The following WNT7A variants were observed in gnomAD, a reference collection of about 807,000 sequenced individuals.
The protein encoded by WNT7A is Wnt family member 7A.
In WNT7A, 16 loss-of-function variants were observed where a neutral mutation model predicts 28.2. That is an observed-to-expected ratio of 0.57 (90% CI 0.38 to 0.86). The LOEUF (loss-of-function observed/expected upper bound fraction) is 0.86. Ranked by LOEUF, WNT7A falls within the 40% of genes least tolerant of loss-of-function variation. The pLI, the probability that WNT7A is intolerant of heterozygous loss-of-function variation, is 0.00. For synonymous variants in WNT7A, 190 were observed against 195.9 expected, an observed-to-expected ratio of 0.97 and a Z score of 0.25; for missense variants, 411 against 489.7, an observed-to-expected ratio of 0.84 and a Z score of 1.52.
intron 2 of WNT7A, among the ~76,000 whole-genome samples, chr3:13,862,504 T>C (rs1246938762): frequency 6.6e-6 from 1 of 152,262 alleles, no homozygotes; most frequent in African/African-American, 2.4e-5. Flanking sequence ...AGCTGAAATA[T>C]ATGATTTGGA....
chr3:13,838,415 G>C lies in WNT7A; in HGVS notation c.570+16117C>G, dbSNP rs148232821. The stretch of plus-strand genomic sequence containing the variant: ...AGGAACTGAAGACTCCCACAGCAGA[G>C]GAAGAGGTTTTAAAGTCCCTTCTTC... On this transcript the variant is annotated intron_variant, in intron 3 of 3. Transcript: ENST00000285018. Among the ~76,000 whole-genome samples, 243 of 152,348 alleles carry C rather than the reference G, an allele frequency of 1.6e-3. 1 individual carries two copies. Among genetic ancestry groups the C allele is most frequent in the African/African-American group, 5.7e-3 (236 of 41,594 alleles).
At chr3:13,870,625 C>G (rs772838279) in intron 2 of WNT7A, among the ~76,000 whole-genome samples, 3 of 152,202 alleles carry the variant, frequency 2.0e-5, no homozygotes, top group Non-Finnish European at 4.4e-5. Flanking sequence ...GATGGGCACA[C>G]AACCAAAAGT....
At chr3:13,836,344 G>C (rs1412730647) in intron 3 of WNT7A, among the ~76,000 whole-genome samples, 1 of 152,168 alleles carries the variant, frequency 6.6e-6, no homozygotes, top group African/African-American at 2.4e-5. Flanking sequence ...CCTCCAGATG[G>C]GCACAGCAGC....
intron 3 of WNT7A, among the ~76,000 whole-genome samples, chr3:13,826,119 C>A (rs115076405): frequency 0.018 from 2,755 of 152,270 alleles, 89 homozygotes; most frequent in African/African-American, 0.063. Context: ...TGGTATTTGG[C>A]GTCACCCCTG....
chr3:13,819,325 C>T lies in WNT7A; in HGVS notation c.669G>A (p.Glu223=). 1 of 1,613,174 alleles carries T rather than the reference C, an allele frequency of 6.2e-7. No homozygotes were observed. Among genetic ancestry groups the T allele is most frequent in the Non-Finnish European group, 8.5e-7 (1 of 1,179,300 alleles). Residue 223 remains glutamate (E), a synonymous_variant, in exon 4 of 4, where the codon GAG becomes GAA. Coordinates refer to ENST00000285018, the MANE Select transcript of WNT7A (RefSeq NM_004625.4). ...ACTTGTCCTTGAGCACGTAGCCCAG[C>T]TCCCGAAACTGTGGCAGTGTGGTCC... The part of the protein sequence containing the change: ...TCWTTLPQFR[E]LGYVLKDKYN...
chr3:13,818,667 G>C lies in WNT7A; in HGVS notation c.*277C>G, dbSNP rs1160672966. 1.6e-5 allele frequency: 5 copies of C among 309,104 alleles called. No homozygotes were observed. The highest frequency in any genetic ancestry group is 3.0e-5 in the Non-Finnish European group (5 of 169,368). The allele number at this position is 309,104 out of a possible 1,614,324, so 19.1% of individuals were successfully genotyped here. On this transcript the variant is annotated 3_prime_UTR_variant, in exon 4 of 4. Coordinates refer to ENST00000285018, the MANE Select transcript of WNT7A (RefSeq NM_004625.4). ...TAAATATTGCTGTGATGAGGCCCAGGGGTCCAGAGTTCCTGCTGCAGAAGG... is the reference window on the plus strand; with the variant it reads ...TAAATATTGCTGTGATGAGGCCCAGCGGTCCAGAGTTCCTGCTGCAGAAGG...
At chr3:13,829,292 A>G (rs1398516909) in intron 3 of WNT7A, among the ~76,000 whole-genome samples, 1 of 152,226 alleles carries the variant, frequency 6.6e-6, no homozygotes, top group African/African-American at 2.4e-5. Context: ...AACTCCTATC[A>G]TCAAAACCAC....
At chr3:13,870,163 G>A (rs1300425879) in intron 2 of WNT7A, among the ~76,000 whole-genome samples, 1 of 152,174 alleles carries the variant, frequency 6.6e-6, no homozygotes, top group Non-Finnish European at 1.5e-5. Context: ...TCATTGCTGT[G>A]AACTGAGTCA....
At chr3:13,845,221 G>A (rs926878018) in intron 3 of WNT7A, among the ~76,000 whole-genome samples, 1 of 152,126 alleles carries the variant, frequency 6.6e-6, no homozygotes, top group Admixed American at 6.5e-5. Context: ...GAGGTGACAG[G>A]ATGAGCTTCC....
At chr3:13,870,942 C>T (rs770352820) in intron 2 of WNT7A, among the ~76,000 whole-genome samples, 1 of 152,200 alleles carries the variant, frequency 6.6e-6, no homozygotes, top group African/African-American at 2.4e-5. Context: ...GGGGACCTTG[C>T]CTGGTACCTG....
chr3:13,879,904 G>C lies in WNT7A; in HGVS notation c.-88C>G, dbSNP rs1047361889. 3 of 1,145,364 alleles carry C rather than the reference G, an allele frequency of 2.6e-6. No individual in the cohort carries two copies. In the African/African-American group the frequency reaches 4.9e-5, roughly 19 times the overall value. The allele number at this position is 1,145,364 out of a possible 1,614,324, so 71.0% of individuals were successfully genotyped here. The stretch of plus-strand genomic sequence containing the variant: ...GGGGCAATCAACATAGCCCGCCCGG[G>C]AGGCGCGAGCCGAGGCGTCCCCGGG... On this transcript the variant is annotated 5_prime_UTR_variant, in exon 1 of 4. Transcript: ENST00000285018.
chr3:13,875,018 T>C lies in WNT7A; in HGVS notation c.227A>G (p.Gln76Arg). The change falls in exon 2 of 4, where the codon CAG (glutamine) becomes CGG (arginine). Residue 76 changes from glutamine (Q) to arginine (R), a missense_variant. Transcript: ENST00000285018. Reference sequence around the variant, plus strand: ...GCAGTTCCAGCGGCCATTGCGGAACTGAAACTGACACTCGTCCAGGCCCAT... The same window carrying C: ...GCAGTTCCAGCGGCCATTGCGGAACCGAAACTGACACTCGTCCAGGCCCAT... ...SQMGLDECQF[Q>R]FRNGRWNCSA... 1 of 1,614,206 alleles carries C rather than the reference T, an allele frequency of 6.2e-7. No individual in the cohort carries two copies. Among genetic ancestry groups the C allele is most frequent in the Non-Finnish European group, 8.5e-7 (1 of 1,180,024 alleles).
At position 13,869,311 on chromosome 3, in the gene WNT7A, AAGAGGGAGGGAGGGAG is replaced by A. The variant is rs1222875938; in HGVS notation, c.298+5620_298+5635del. On this transcript the variant is annotated intron_variant, in intron 2 of 3. Transcript: ENST00000285018. ...AAAGAAAGAAAGAGAGGAAGAGGGAAAGAGGGAGGGAGGGAGAGAGGGAGGGAGGAAGGAAGGAAGG... is the reference window on the plus strand; with the variant it reads ...AAAGAAAGAAAGAGAGGAAGAGGGAAAGAGGGAGGGAGGAAGGAAGGAAGG... Among the ~76,000 whole-genome samples the A allele has an allele frequency of 3.6e-5, 5 of 137,908 alleles. No individual in the cohort carries two copies. In the South Asian group the frequency reaches 8.5e-4, roughly 23 times the overall value. The allele number at this position is 137,908 out of a possible 152,430, so 90.5% of individuals were successfully genotyped here. A position where few individuals can be genotyped will look rare whatever the true frequency, so the allele number is the denominator to read the frequency against.
intron 2 of WNT7A, among the ~76,000 whole-genome samples, chr3:13,855,198 C>A (rs1694709951): frequency 6.6e-6 from 1 of 152,218 alleles, no homozygotes; most frequent in African/African-American, 2.4e-5. Flanking sequence ...AGCGTTTCCC[C>A]AACACCCACA....
At chr3:13,852,863 G>A (rs1332103663) in intron 3 of WNT7A, among the ~76,000 whole-genome samples, 1 of 152,188 alleles carries the variant, frequency 6.6e-6, no homozygotes, top group East Asian at 1.9e-4. Flanking sequence ...CTTGGCTCAG[G>A]AAATACATAG....
Position 13,880,030 on chromosome 3 carries a change from TGGGG to T in WNT7A, c.-218_-215del. On this transcript the variant is annotated 5_prime_UTR_variant, in exon 1 of 4. Coordinates refer to ENST00000285018, the MANE Select transcript of WNT7A (RefSeq NM_004625.4). Reference sequence around the variant, plus strand: ...GAGGGAGGGAGGAGCGAGCGCGGCGTGGGGCGACGCCGGGCTGCGCGCGAGCGAC... The same window carrying T: ...GAGGGAGGGAGGAGCGAGCGCGGCGTCGACGCCGGGCTGCGCGCGAGCGAC... 2.8e-6 allele frequency: 1 copy of T among 363,200 alleles called. No individual in the cohort carries two copies. 22.5% of individuals were successfully genotyped at this position (363,200 alleles called of 1,614,324 possible). A position where few individuals can be genotyped will look rare whatever the true frequency, so the allele number is the denominator to read the frequency against.
At chr3:13,863,306 C>T (rs1694861692) in intron 2 of WNT7A, among the ~76,000 whole-genome samples, 1 of 152,170 alleles carries the variant, frequency 6.6e-6, no homozygotes, top group African/African-American at 2.4e-5. Flanking sequence ...ATTGAATGAT[C>T]AGTCTCTCGC....
intron 2 of WNT7A, among the ~76,000 whole-genome samples, chr3:13,857,328 T>G (rs908890451): frequency 6.6e-5 from 10 of 152,088 alleles, no homozygotes; most frequent in South Asian, 2.1e-4. Context: ...GAGACCAGGC[T>G]TTGAGTGCTG....
At chr3:13,826,953 GGAAA>G (rs1028182730) in intron 3 of WNT7A, among the ~76,000 whole-genome samples, 3 of 152,198 alleles carry the variant, frequency 2.0e-5, no homozygotes, top group Non-Finnish European at 4.4e-5. Flanking sequence ...CTCAGCAGAT[GGAAA>G]GAAACAGAGC....
Sources: gnomAD v4.1 joint callset for allele counts (sites outside exome capture counted in the v4.1 genomes callset) on GRCh38, gnomAD v4.1.1 for gene constraint, MANE v1.5 for transcripts, NCBI Gene and HGNC (gene_info 2026-07-23, HGNC 2026-07-21) for gene names.